SAP30BP: variants seen among roughly 807,000 people sequenced by gnomAD.
SAP30BP encodes SAP30 binding protein.
In SAP30BP, 31 loss-of-function variants were observed where a neutral mutation model predicts 46.3. The ratio of observed to expected loss-of-function variants is 0.67; its 90% CI spans 0.50 to 0.90. The LOEUF is 0.90. Ranked by LOEUF, SAP30BP falls within the 40% of genes least tolerant of loss-of-function variation. The probability of loss-of-function intolerance (pLI) is 0.00; values close to 1 mark genes in which losing one functional copy is unlikely to be tolerated. For synonymous variants in SAP30BP, 169 were observed against 144.2 expected (o/e 1.17, Z -1.23); for missense variants, 312 against 391.0 (o/e 0.80, Z 1.70).
At chr17:75,696,301 G>T (rs1338097215) in intron 4 of SAP30BP, among the ~76,000 whole-genome samples, 2 of 151,852 alleles carry the variant, frequency 1.3e-5, no homozygotes, top group African/African-American at 2.4e-5. Flanking sequence ...TGGGGAGGCT[G>T]AGGCGGGCAG....
At chr17:75,683,162 G>A (rs2060109665) in intron 3 of SAP30BP, among the ~76,000 whole-genome samples, 1 of 149,492 alleles carries the variant, frequency 6.7e-6, no homozygotes. Flanking sequence ...TTCTGCCTCA[G>A]CCTCCCCAAT....
intron 3 of SAP30BP, among the ~76,000 whole-genome samples, chr17:75,686,613 G>A (rs1353545082): frequency 6.6e-6 from 1 of 152,202 alleles, no homozygotes; most frequent in Non-Finnish European, 1.5e-5. Context: ...GGCAACCCCA[G>A]CGTGTCCCAG....
At chr17:75,672,046 C>T in intron 3 of SAP30BP, 183 bp downstream of exon 3, 1 of 598,802 alleles carries the variant, frequency 1.7e-6, no homozygotes, top group Non-Finnish European at 3.1e-6. Flanking sequence ...ATGAACAAAT[C>T]CTGAGACACA....
At chr17:75,679,119 G>A (rs567188204) in intron 3 of SAP30BP, among the ~76,000 whole-genome samples, 4 of 149,978 alleles carry the variant, frequency 2.7e-5, no homozygotes, top group South Asian at 2.2e-4. Flanking sequence ...TCAGCCTCCC[G>A]AGTAGTACCT....
chr17:75,692,675 C>T, intron 3 of SAP30BP: 1 of 208,810 alleles, frequency 4.8e-6, no homozygotes, highest in Non-Finnish European at 8.3e-6. Context: ...GTCTAAGAAG[C>T]CTTTGCTCTC....
At chr17:75,669,270 A>G (rs1161783170) in intron 2 of SAP30BP, among the ~76,000 whole-genome samples, 1 of 151,398 alleles carries the variant, frequency 6.6e-6, no homozygotes, top group Admixed American at 6.6e-5. Context: ...TTTTGTCGGA[A>G]TCTTGCTCTG....
At position 75,707,016 on chromosome 17, in the gene SAP30BP, A is replaced by G; in HGVS notation, c.*495A>G. Reference sequence around the variant, plus strand: ...CCCCATCTGCCGCCTTGATCCCAAAACCCAGCCAGTTCTCGGGTGATGGTG... The same window carrying G: ...CCCCATCTGCCGCCTTGATCCCAAAGCCCAGCCAGTTCTCGGGTGATGGTG... On this transcript the variant is annotated 3_prime_UTR_variant, in exon 11 of 11. Coordinates refer to ENST00000584667, the MANE Select transcript of SAP30BP (RefSeq NM_013260.8). 6.1e-6 allele frequency: 1 copy of G among 162,802 alleles called. No individual in the cohort carries two copies. Among genetic ancestry groups the G allele is most frequent in the Admixed American group, 5.7e-5 (1 of 17,512 alleles). The allele number at this position is 162,802 out of a possible 1,614,324, so 10.1% of individuals were successfully genotyped here. A position where few individuals can be genotyped will look rare whatever the true frequency, so the allele number is the denominator to read the frequency against.
At chr17:75,677,755 CTTTTTTTTT>C (rs35174866) in intron 3 of SAP30BP, among the ~76,000 whole-genome samples, 9 of 119,264 alleles carry the variant, frequency 7.5e-5, no homozygotes, top group Non-Finnish European at 1.4e-4. Flanking sequence ...ACACCCAGCC[CTTTTTTTTT>C]TTTTTTTTTT....
chr17:75,705,706 G>C (rs1193668952), intron 9 of SAP30BP: 1 of 1,173,462 alleles, frequency 8.5e-7, no homozygotes, highest in Non-Finnish European at 1.1e-6. Context: ...GAGGAGGAGG[G>C]GCCTGGCCAA....
rs373558401 is a variant in SAP30BP, at chr17:75,667,510, A to G, written c.106+32A>G. On this transcript the variant is annotated intron_variant, in intron 1 of 10. Coordinates refer to ENST00000584667, the MANE Select transcript of SAP30BP (RefSeq NM_013260.8). ...CCCAAGTGCGAAGCTGGAAGGGGGA[A>G]TCGGGTGTCTGCCCGGAATGCTGTA... 24 of 1,596,016 alleles carry G rather than the reference A, an allele frequency of 1.5e-5. No homozygotes were observed. In the African/African-American group the frequency reaches 3.0e-4, roughly 20 times the overall value.
intron 3 of SAP30BP, among the ~76,000 whole-genome samples, chr17:75,677,158 T>C (rs921256887): frequency 3.5e-5 from 5 of 141,296 alleles, no homozygotes; most frequent in Admixed American, 2.4e-4. Context: ...CAAGCTGGAG[T>C]GCAGTGGCAC....
At chr17:75,672,489 G>A (rs2059921705) in intron 3 of SAP30BP, among the ~76,000 whole-genome samples, 1 of 152,170 alleles carries the variant, frequency 6.6e-6, no homozygotes, top group Admixed American at 6.6e-5. Context: ...CTGTTGTGAA[G>A]GTTAAGACAC....
At chr17:75,703,888 C>G in intron 8 of SAP30BP, 29 bp downstream of exon 8, 4 of 1,517,410 alleles carry the variant, frequency 2.6e-6, no homozygotes, top group Non-Finnish European at 3.7e-6. Flanking sequence ...TCCCATATAC[C>G]TTGTCCGCCC....
At chr17:75,677,534 C>T (rs988158570) in intron 3 of SAP30BP, among the ~76,000 whole-genome samples, 6 of 146,256 alleles carry the variant, frequency 4.1e-5, no homozygotes, top group African/African-American at 1.3e-4. Flanking sequence ...CCAGTTCAAG[C>T]GATTCTCCTG....
chr17:75,700,457 C>T (rs938919656), intron 5 of SAP30BP, among the ~76,000 whole-genome samples: 3 of 152,140 alleles, frequency 2.0e-5, no homozygotes, highest in African/African-American at 7.2e-5. Context: ...TCTGTGGGTT[C>T]CCTTGTGATG....
intron 3 of SAP30BP, among the ~76,000 whole-genome samples, chr17:75,691,199 T>TTA (rs1270868003): frequency 6.6e-6 from 1 of 152,112 alleles, no homozygotes; most frequent in African/African-American, 2.4e-5. Flanking sequence ...GCCATGCCCT[T>TTA]TTTTTGTACT....
At position 75,707,604 on chromosome 17, in the gene SAP30BP, T is replaced by C. The variant is rs2060517542; in HGVS notation, c.*1083T>C. ...TCTGAAATGGCACCTGGTACTCTTG[T>C]GGGACCTGGGGAATATAAGGAACTC... On this transcript the variant is annotated 3_prime_UTR_variant, in exon 11 of 11. Transcript: ENST00000584667. 2 of 152,704 alleles carry C rather than the reference T, an allele frequency of 1.3e-5. No individual in the cohort carries two copies. Among genetic ancestry groups the C allele is most frequent in the African/African-American group, 2.4e-5 (1 of 41,462 alleles). 9.5% of individuals were successfully genotyped at this position (152,704 alleles called of 1,614,324 possible). A position where few individuals can be genotyped will look rare whatever the true frequency, so the allele number is the denominator to read the frequency against.
chr17:75,685,122 G>A (rs1599127199), intron 3 of SAP30BP, among the ~76,000 whole-genome samples: 3 of 152,136 alleles, frequency 2.0e-5, no homozygotes, highest in South Asian at 2.1e-4. Context: ...GAGCCACCGC[G>A]TGTCTGGTAC....
intron 5 of SAP30BP, chr17:75,700,173 A>G (rs1415326209): frequency 4.9e-6 from 1 of 203,170 alleles, no homozygotes; most frequent in African/African-American, 2.3e-5. Context: ...GTGCAGCCCT[A>G]CTGGGCCAGT....
Sources: gnomAD v4.1 joint callset for allele counts (sites outside exome capture counted in the v4.1 genomes callset) on GRCh38, gnomAD v4.1.1 for gene constraint, MANE v1.5 for transcripts, NCBI Gene and HGNC (gene_info 2026-07-23, HGNC 2026-07-21) for gene names.